CCDC191: variants seen among roughly 807,000 people sequenced by gnomAD.
CCDC191 encodes coiled-coil domain-containing protein 191.
CCDC191 carries 99 observed loss-of-function variants against 114.0 expected under a neutral mutation model. The observed-to-expected ratio is 0.87, with a 90% CI of 0.74 to 1.03. The LOEUF (loss-of-function observed/expected upper bound fraction) is 1.03, where lower values mean the gene tolerates loss of function less well. Ranked by LOEUF, CCDC191 falls within the 50% of genes least tolerant of loss-of-function variation. The probability of loss-of-function intolerance (pLI) is 0.00; values close to 1 mark genes in which losing one functional copy is unlikely to be tolerated. For synonymous variants in CCDC191, 351 were observed against 376.0 expected (o/e 0.93, Z 0.77); for missense variants, 973 against 1,087.0 (o/e 0.90, Z 1.47).
intron 9 of CCDC191, among the ~76,000 whole-genome samples, chr3:114,009,107 G>A (rs2076023398): frequency 6.6e-6 from 1 of 152,150 alleles, no homozygotes; most frequent in Admixed American, 6.5e-5. Flanking sequence ...TGGTACACCT[G>A]TATGGGGGCA....
At chr3:113,970,336 AT>A (rs907721310) in intron 16 of CCDC191, among the ~76,000 whole-genome samples, 8 of 151,580 alleles carry the variant, frequency 5.3e-5, no homozygotes, top group Admixed American at 4.6e-4. Context: ...ATTTGGATAC[AT>A]TTTTTTTAAA....
At chr3:114,013,788 A>G (rs2076113592) in intron 8 of CCDC191, among the ~76,000 whole-genome samples, 1 of 152,318 alleles carries the variant, frequency 6.6e-6, no homozygotes, top group African/African-American at 2.4e-5. Flanking sequence ...TGAACACTCA[A>G]TGATACTGGG....
chr3:114,034,965 T>C lies in CCDC191; in HGVS notation c.778A>G (p.Ile260Val). 6.2e-7 allele frequency: 1 copy of C among 1,614,086 alleles called. No homozygotes were observed. Among genetic ancestry groups the C allele is most frequent in the South Asian group, 1.1e-5 (1 of 91,082 alleles). ...QREMVKLRRE[I>V]IERRRTVKAA... ...TTCACAGTGCGTCTCCTCTCAATTA[T>C]CTCCCTCCGCAGCTTCACCATCTCC... is the stretch of plus-strand genomic sequence containing the variant. The change falls in exon 6 of 17, where the codon ATA becomes GTA. Residue 260 changes from isoleucine to valine, a missense_variant. Physicochemically the swap from Ile to Val is conservative, Grantham distance 29. Transcript: ENST00000295878.
intron 7 of CCDC191, among the ~76,000 whole-genome samples, chr3:114,026,599 A>C (rs961572386): frequency 2.6e-5 from 4 of 152,196 alleles, no homozygotes; most frequent in East Asian, 3.8e-4. Flanking sequence ...GTGTGTAGGC[A>C]GTCTTGATAA....
chr3:113,980,102 G>A (rs943124077), intron 14 of CCDC191, among the ~76,000 whole-genome samples: 1 of 152,160 alleles, frequency 6.6e-6, no homozygotes, highest in Non-Finnish European at 1.5e-5. Flanking sequence ...ATGGAATGTG[G>A]ACATAATACA....
intron 8 of CCDC191, among the ~76,000 whole-genome samples, chr3:114,015,047 G>A (rs1031558654): frequency 6.6e-6 from 1 of 152,004 alleles, no homozygotes; most frequent in African/African-American, 2.4e-5. Flanking sequence ...CGAATGAGAT[G>A]GTCTGAAGAA....
intron 16 of CCDC191, among the ~76,000 whole-genome samples, chr3:113,975,628 G>T (rs967629020): frequency 3.9e-5 from 6 of 152,308 alleles, no homozygotes; most frequent in African/African-American, 1.4e-4. Context: ...AGAGTCTTAA[G>T]TGCTGTGAAG....
intron 16 of CCDC191, among the ~76,000 whole-genome samples, chr3:113,976,172 T>G (rs1464483436): frequency 1.3e-5 from 2 of 151,900 alleles, no homozygotes; most frequent in Non-Finnish European, 2.9e-5. Flanking sequence ...GGCATGAGAA[T>G]CGCTTGAACC....
chr3:114,053,988 A>G (rs1021703323), intron 1 of CCDC191: 3 of 168,760 alleles, frequency 1.8e-5, no homozygotes, highest in Non-Finnish European at 3.8e-5. Flanking sequence ...CATTAAAAAA[A>G]AAAAGCACTG....
chr3:114,020,455 A>G (rs1183349790), intron 7 of CCDC191, among the ~76,000 whole-genome samples: 1 of 152,142 alleles, frequency 6.6e-6, no homozygotes, highest in Non-Finnish European at 1.5e-5. Flanking sequence ...AGCCCTCTCC[A>G]TATGTCAAAT....
intron 12 of CCDC191, among the ~76,000 whole-genome samples, chr3:114,002,200 T>A (rs1451104703): frequency 4.6e-5 from 7 of 152,200 alleles, no homozygotes. Flanking sequence ...CTTGGTTATG[T>A]GTAAATCTTC....
At position 114,002,455 on chromosome 3, in the gene CCDC191, C is replaced by G; in HGVS notation, c.2061+1G>C. 6.2e-7 allele frequency: 1 copy of G among 1,600,586 alleles called. No homozygotes were observed. The highest frequency in any genetic ancestry group is 1.1e-5 in the South Asian group (1 of 88,458). ...CTCAGTTTGCATTTTGAATCTATTA[C>G]CAATTTTTCTTCTTCTTGTTTTTTC... On this transcript the variant is annotated splice_donor_variant, in intron 12 of 16. Transcript: ENST00000295878. LOFTEE classifies it high-confidence loss of function.
intron 13 of CCDC191, among the ~76,000 whole-genome samples, chr3:113,997,440 G>A (rs1217633734): frequency 1.3e-5 from 2 of 152,114 alleles, no homozygotes; most frequent in African/African-American, 4.8e-5. Context: ...GTGACACCCA[G>A]TAGCAATTAG....
chr3:114,010,993 G>A lies in CCDC191; in HGVS notation c.1192C>T (p.Arg398Trp), dbSNP rs147187136. ...RKQQLATEYN[R>W]KQVLRHCFTE... ...AAGCAGTGTCGGAGAACTTGTTTCC[G>A]GTTATACTCAGTGGCCAGTTGTTGT... Residue 398 changes from arginine (R) to tryptophan (W), a missense_variant, in exon 9 of 17, where the codon CGG becomes TGG. Coordinates refer to ENST00000295878, the MANE Select transcript of CCDC191 (RefSeq NM_020817.2). The A allele has an allele frequency of 1.9e-5, 31 of 1,613,168 alleles. No individual in the cohort carries two copies. Among genetic ancestry groups the A allele is most frequent in the African/African-American group, 1.9e-4 (14 of 74,880 alleles).
rs1433249046 is a variant in CCDC191, at chr3:114,046,480, A to G, written c.271+111T>C. 9 of 742,362 alleles carry G rather than the reference A, an allele frequency of 1.2e-5. No individual in the cohort carries two copies. In the African/African-American group the frequency reaches 1.4e-4, roughly 12 times the overall value. The allele number at this position is 742,362 out of a possible 1,614,324, so 46.0% of individuals were successfully genotyped here. A position where few individuals can be genotyped will look rare whatever the true frequency, so the allele number is the denominator to read the frequency against. ...AAAATAGTTTCAGGGGAGTAGAAAG[A>G]AAGGGAAATTAAGAACAAGAGTAAG... On this transcript the variant is annotated intron_variant, in intron 3 of 16. Coordinates refer to ENST00000295878, the MANE Select transcript of CCDC191 (RefSeq NM_020817.2).
chr3:114,034,447 A>G (rs894581507), intron 6 of CCDC191, among the ~76,000 whole-genome samples: 10 of 152,218 alleles, frequency 6.6e-5, no homozygotes, highest in African/African-American at 2.4e-4. Flanking sequence ...TTCAAGAGTC[A>G]GAAAAAGACC....
At chr3:114,043,302 G>A (rs931214216) in intron 3 of CCDC191, among the ~76,000 whole-genome samples, 4 of 152,150 alleles carry the variant, frequency 2.6e-5, no homozygotes, top group East Asian at 1.9e-4. Flanking sequence ...GAGAAGTGAG[G>A]AGGAGACAGC....
chr3:114,031,890 T>C (rs1365330417), intron 6 of CCDC191, 111 bp from the exon 7 acceptor site: 5 of 592,332 alleles, frequency 8.4e-6, no homozygotes, highest in Non-Finnish European at 1.2e-5. Flanking sequence ...AATACACATA[T>C]TTTTAGATCT....
At chr3:114,003,581 T>A (rs2107661832) in intron 11 of CCDC191, 1 of 985,412 alleles carries the variant, frequency 1.0e-6, no homozygotes, top group Non-Finnish European at 1.2e-6. Flanking sequence ...TACTTGAAAG[T>A]AGACTGGGCT....
Sources: allele counts gnomAD v4.1 joint callset (sites outside exome capture counted in the v4.1 genomes callset), GRCh38; gene constraint gnomAD v4.1.1; transcripts MANE v1.5; gene names NCBI Gene and HGNC (gene_info 2026-07-23, HGNC 2026-07-21).